RAB3C: variants seen among roughly 807,000 people sequenced by gnomAD.
RAB3C encodes the protein RAB3C, member RAS oncogene family, also known as ras-related protein Rab-3C.
RAB3C carries 17 observed loss-of-function variants against 26.4 expected under a neutral mutation model. The ratio of observed to expected loss-of-function variants is 0.64; its 90% CI spans 0.44 to 0.97. RAB3C has a LOEUF of 0.97. RAB3C is among the 50% of genes least tolerant of loss of function. The pLI is 0.00. For missense variants in RAB3C, 242 were observed against 281.9 expected, an observed-to-expected ratio of 0.86 and a Z score of 1.01; for synonymous variants, 91 against 95.9, an observed-to-expected ratio of 0.95 and a Z score of 0.30.
rs976739185 is a variant in RAB3C at position 58,858,788 on chromosome 5, C to T, written c.*7437C>T. On this transcript the variant is annotated 3_prime_UTR_variant, in exon 5 of 5. Transcript: ENST00000282878. ...GTTTAGCTCCCTACCTTTTAGTCTC[C>T]GTGAGGAAGACAAGCTGTTGCATTA... 1.3e-5 allele frequency: 2 copies of T among 152,162 alleles called. No individual in the cohort carries two copies. Among genetic ancestry groups the T allele is most frequent in the African/African-American group, 4.8e-5 (2 of 41,438 alleles). 9.4% of individuals were successfully genotyped at this position (152,162 alleles called of 1,614,324 possible).
chr5:58,858,428 G>A lies in RAB3C; in HGVS notation c.*7077G>A, dbSNP rs961533476. On this transcript the variant is annotated 3_prime_UTR_variant, in exon 5 of 5. Coordinates refer to ENST00000282878, the MANE Select transcript of RAB3C (RefSeq NM_138453.4). ...TATTGAACCTCATATGCTCAGTGCT[G>A]TGGGAATCAAACATGGAAGAGGTAT... The A allele has an allele frequency of 6.6e-6, 1 of 152,160 alleles. No homozygotes were observed. Among genetic ancestry groups the A allele is most frequent in the African/African-American group, 2.4e-5 (1 of 41,438 alleles). 9.4% of individuals were successfully genotyped at this position (152,160 alleles called of 1,614,324 possible).
chr5:58,623,844 G>A (rs929772412), intron 2 of RAB3C, among the ~76,000 whole-genome samples: 1 of 152,144 alleles, frequency 6.6e-6, no homozygotes, highest in African/African-American at 2.4e-5. Flanking sequence ...GGACTTTGGA[G>A]TCTGGTGACC....
chr5:58,730,361 A>G (rs935158558), intron 3 of RAB3C, among the ~76,000 whole-genome samples: 4 of 152,116 alleles, frequency 2.6e-5, no homozygotes, highest in African/African-American at 9.6e-5. Context: ...CCCTTTGGGG[A>G]AAACCATTCC....
intron 2 of RAB3C, among the ~76,000 whole-genome samples, chr5:58,648,993 A>G (rs1313492301): frequency 6.6e-6 from 1 of 152,168 alleles, no homozygotes; most frequent in Non-Finnish European, 1.5e-5. Context: ...CACCGAGGTT[A>G]TAAACCAAAC....
intron 1 of RAB3C, among the ~76,000 whole-genome samples, chr5:58,612,544 A>ATATGTATATATATATATATG (rs1746735925): frequency 1.8e-5 from 1 of 56,624 alleles, no homozygotes; most frequent in African/African-American, 6.9e-5. Context: ...ATATATATAT[A>ATATGTATATATATATATATG]TATGTATATA....
intron 3 of RAB3C, among the ~76,000 whole-genome samples, chr5:58,794,708 T>C (rs1046616655): frequency 1.3e-5 from 2 of 152,236 alleles, no homozygotes; most frequent in Non-Finnish European, 2.9e-5. Context: ...TCGTAACGTC[T>C]CTATGAAAGT....
intron 2 of RAB3C, among the ~76,000 whole-genome samples, chr5:58,686,030 T>C (rs562333063): frequency 6.6e-6 from 1 of 152,280 alleles, no homozygotes; most frequent in Non-Finnish European, 1.5e-5. Flanking sequence ...TGAAGATGCC[T>C]GTGGGTGAAA....
intron 2 of RAB3C, among the ~76,000 whole-genome samples, chr5:58,686,747 C>T (rs1008882996): frequency 1.3e-5 from 2 of 151,796 alleles, no homozygotes; most frequent in Admixed American, 6.6e-5. Context: ...CTCTCTTAAT[C>T]AAATGGAAGT....
In RAB3C at chr5:58,851,369, G is replaced by A; in HGVS notation, c.*18G>A. The A allele has an allele frequency of 6.4e-7, 1 of 1,570,330 alleles. No homozygotes were observed. Among genetic ancestry groups the A allele is most frequent in the Admixed American group, 1.9e-5 (1 of 51,554 alleles). ...CCTGCTAGTGTCCCCGTGCACACAG[G>A]CAGCTCCAGGGGGCTCTGGTTGCCA... is the stretch of plus-strand genomic sequence containing the variant. On this transcript the variant is annotated 3_prime_UTR_variant, in exon 5 of 5. Transcript: ENST00000282878.
intron 2 of RAB3C, among the ~76,000 whole-genome samples, chr5:58,717,648 C>G (rs776618157): frequency 6.6e-6 from 1 of 152,100 alleles, no homozygotes. Context: ...CACACCTCAT[C>G]CAGGAGACAG....
chr5:58,594,944 A>G (rs935568493), intron 1 of RAB3C, among the ~76,000 whole-genome samples: 3 of 149,858 alleles, frequency 2.0e-5, no homozygotes, highest in Non-Finnish European at 3.0e-5. Flanking sequence ...AGCACTGGAT[A>G]TGTCCATTCT....
intron 2 of RAB3C, among the ~76,000 whole-genome samples, chr5:58,695,152 T>C (rs1748668006): frequency 6.6e-6 from 1 of 152,182 alleles, no homozygotes. Flanking sequence ...TACATATGGC[T>C]AGCCAGTTTT....
intron 2 of RAB3C, among the ~76,000 whole-genome samples, chr5:58,722,306 T>C (rs1180776481): frequency 6.6e-6 from 1 of 151,660 alleles, no homozygotes; most frequent in African/African-American, 2.4e-5. Flanking sequence ...CTTGGTATAC[T>C]GTTTGTTTTC....
chr5:58,636,079 G>T (rs1367653979), intron 2 of RAB3C, among the ~76,000 whole-genome samples: 1 of 152,216 alleles, frequency 6.6e-6, no homozygotes, highest in Non-Finnish European at 1.5e-5. Flanking sequence ...CAGCAAACTT[G>T]AGGCAGCTGA....
At chr5:58,704,450 A>C (rs1258212270) in intron 2 of RAB3C, among the ~76,000 whole-genome samples, 1 of 152,146 alleles carries the variant, frequency 6.6e-6, no homozygotes, top group African/African-American at 2.4e-5. Flanking sequence ...CAATATCTCT[A>C]TTTCCTGAAA....
At chr5:58,736,183 A>G (rs1381212791) in intron 3 of RAB3C, among the ~76,000 whole-genome samples, 1 of 151,964 alleles carries the variant, frequency 6.6e-6, no homozygotes, top group Non-Finnish European at 1.5e-5. Flanking sequence ...CCTAGCCACA[A>G]CCTTAACAGC....
intron 3 of RAB3C, among the ~76,000 whole-genome samples, chr5:58,769,921 A>G (rs774961119): frequency 1.3e-4 from 20 of 152,194 alleles, no homozygotes; most frequent in Non-Finnish European, 1.2e-4. Flanking sequence ...CCTTAAAATC[A>G]CATTCCATGG....
intron 2 of RAB3C, among the ~76,000 whole-genome samples, chr5:58,664,942 C>T (rs1747974767): frequency 6.6e-6 from 1 of 152,058 alleles, no homozygotes; most frequent in Non-Finnish European, 1.5e-5. Context: ...GGTGTTCCCA[C>T]CTTAGGATCT....
chr5:58,835,018 G>T (rs114594810), intron 4 of RAB3C, among the ~76,000 whole-genome samples: 1 of 152,140 alleles, frequency 6.6e-6, no homozygotes, highest in Non-Finnish European at 1.5e-5. Context: ...ATTTCCCAGT[G>T]TAAGTATTAA....
Sources: gnomAD v4.1 joint callset for allele counts (sites outside exome capture counted in the v4.1 genomes callset) on GRCh38, gnomAD v4.1.1 for gene constraint, MANE v1.5 for transcripts, NCBI Gene and HGNC (gene_info 2026-07-23, HGNC 2026-07-21) for gene names.